The following ACYP2 variants were observed in gnomAD, a reference collection of about 807,000 sequenced individuals.
ACYP2 encodes the protein acylphosphatase 2.
A neutral mutation model predicts 11.2 loss-of-function variants in ACYP2; 12 were observed. The observed-to-expected ratio is 1.08, with a 90% CI of 0.69 to 1.74. The LOEUF (loss-of-function observed/expected upper bound fraction) is 1.74, where lower values mean the gene tolerates loss of function less well. Among genes scored for constraint, ACYP2 ranks in the 40% most tolerant of loss-of-function variants. The probability of loss-of-function intolerance (pLI) is 0.00; values close to 1 mark genes in which losing one functional copy is unlikely to be tolerated. For synonymous variants in ACYP2, 43 were observed against 32.2 expected (o/e 1.33, Z -1.13); for missense variants, 134 against 101.9 (o/e 1.31, Z -1.35).
intron 2 of ACYP2, among the ~76,000 whole-genome samples, chr2:53,983,364 G>T (rs2104512044): frequency 6.6e-6 from 1 of 152,148 alleles, no homozygotes; most frequent in South Asian, 2.1e-4. Flanking sequence ...AAATTAGCTG[G>T]GTGTGGTGGC....
At chr2:53,994,057 G>A (rs896482233) in intron 2 of ACYP2, among the ~76,000 whole-genome samples, 15 of 151,802 alleles carry the variant, frequency 9.9e-5, no homozygotes, top group South Asian at 2.1e-4. Context: ...GCGGCTGGGC[G>A]TAGTGGCTCA....
intron 2 of ACYP2, among the ~76,000 whole-genome samples, chr2:54,041,341 G>C (rs940387390): frequency 2.6e-5 from 4 of 152,122 alleles, no homozygotes; most frequent in Non-Finnish European, 5.9e-5. Flanking sequence ...GTGTTTGTGG[G>C]AGCTCTCTTC....
At chr2:54,258,685 A>T (rs1687656207) in intron 6 of ACYP2, among the ~76,000 whole-genome samples, 1 of 152,304 alleles carries the variant, frequency 6.6e-6, no homozygotes, top group South Asian at 2.1e-4. Flanking sequence ...GATGTTTCTC[A>T]GACCAGGTGG....
chr2:54,203,055 G>T (rs912688542), intron 6 of ACYP2, among the ~76,000 whole-genome samples: 2 of 152,010 alleles, frequency 1.3e-5, no homozygotes, highest in African/African-American at 4.8e-5. Context: ...GATCAACTTT[G>T]GGAGTATTGC....
chr2:54,273,989 T>C lies in ACYP2; in HGVS notation c.405-30699T>C, dbSNP rs1179228824. On this transcript the variant is annotated intron_variant, in intron 6 of 6. Transcript: ENST00000607452. ...CACCATTATATTGAGACTATAAAAT[T>C]GTTCTTTAGGCTGGGCAAGATGGCT... Among the ~76,000 whole-genome samples the C allele has an allele frequency of 2.6e-5, 4 of 152,212 alleles. 1 individual carries two copies. The highest frequency in any genetic ancestry group is 5.9e-5 in the Non-Finnish European group (4 of 68,030).
At chr2:54,036,965 C>T (rs2104559210) in intron 2 of ACYP2, among the ~76,000 whole-genome samples, 1 of 152,258 alleles carries the variant, frequency 6.6e-6, no homozygotes, top group East Asian at 1.9e-4. Context: ...CTAGATCACT[C>T]ATTTAAGAGG....
chr2:54,039,084 G>A (rs944685561), intron 2 of ACYP2, among the ~76,000 whole-genome samples: 10 of 151,942 alleles, frequency 6.6e-5, no homozygotes, highest in Admixed American at 3.9e-4. Context: ...GGTGGGGAGC[G>A]TGCTCCTATA....
rs567465743 is a variant in ACYP2, at chr2:54,050,562, A to G, written c.63-396A>G. On this transcript the variant is annotated intron_variant, in intron 2 of 6. Coordinates refer to ENST00000607452, the MANE Select transcript of ACYP2 (RefSeq NM_001320586.2). ...CCCCATCCCTGAAAAAAAAAAAAAA[A>G]AAAGAAAATAACTAAAGAAAACAAA... Among the ~76,000 whole-genome samples the G allele has an allele frequency of 3.4e-4, 52 of 151,910 alleles. 1 individual carries two copies. In the South Asian group the frequency reaches 8.1e-3, roughly 24 times the overall value.
At chr2:54,049,003 A>C (rs1292770512) in intron 2 of ACYP2, among the ~76,000 whole-genome samples, 5 of 152,156 alleles carry the variant, frequency 3.3e-5, no homozygotes, top group Non-Finnish European at 7.3e-5. Flanking sequence ...GGCCAGGTGC[A>C]GTGGCTCACA....
At chr2:54,125,193 C>A (rs373027309) in intron 4 of ACYP2, among the ~76,000 whole-genome samples, 2 of 151,854 alleles carry the variant, frequency 1.3e-5, no homozygotes, top group African/African-American at 4.8e-5. Flanking sequence ...CAGTTTCCAA[C>A]CCCAAATCCT....
intron 6 of ACYP2, among the ~76,000 whole-genome samples, chr2:54,262,246 G>T (rs1208284127): frequency 6.6e-6 from 1 of 152,138 alleles, no homozygotes; most frequent in African/African-American, 2.4e-5. Context: ...ATGCGATACA[G>T]GAGCAAAATG....
At chr2:53,983,578 A>G (rs1178407647) in intron 2 of ACYP2, among the ~76,000 whole-genome samples, 1 of 152,198 alleles carries the variant, frequency 6.6e-6, no homozygotes, top group Non-Finnish European at 1.5e-5. Flanking sequence ...AGAAATTTAA[A>G]AAACACCCAT....
chr2:54,016,216 T>G (rs540934990), intron 2 of ACYP2, among the ~76,000 whole-genome samples: 27 of 152,190 alleles, frequency 1.8e-4, no homozygotes, highest in Non-Finnish European at 3.1e-4. Flanking sequence ...CTGCCTGGCT[T>G]AGCTCACAGT....
chr2:54,204,978 A>G (rs1482838980), intron 6 of ACYP2, among the ~76,000 whole-genome samples: 1 of 152,134 alleles, frequency 6.6e-6, no homozygotes, highest in African/African-American at 2.4e-5. Flanking sequence ...TGTTTCTCAT[A>G]GGCACCTTCT....
intron 4 of ACYP2, among the ~76,000 whole-genome samples, chr2:54,130,514 C>T (rs542803951): frequency 2.0e-5 from 3 of 152,164 alleles, no homozygotes; most frequent in Non-Finnish European, 2.9e-5. Flanking sequence ...GAAAAGGAAA[C>T]CATGTTGGGT....
At chr2:54,163,092 G>GT (rs1165121253) in intron 6 of ACYP2, among the ~76,000 whole-genome samples, 1 of 152,198 alleles carries the variant, frequency 6.6e-6, no homozygotes, top group Non-Finnish European at 1.5e-5. Flanking sequence ...TTTTCATTCA[G>GT]TAAGTTTGAG....
At chr2:54,091,797 C>A (rs1678248010) in intron 4 of ACYP2, among the ~76,000 whole-genome samples, 1 of 152,108 alleles carries the variant, frequency 6.6e-6, no homozygotes, top group African/African-American at 2.4e-5. Context: ...CAAGCGTCAG[C>A]CACTAACCCC....
intron 2 of ACYP2, among the ~76,000 whole-genome samples, chr2:53,984,990 T>C (rs1197234926): frequency 2.6e-5 from 4 of 151,530 alleles, no homozygotes; most frequent in Non-Finnish European, 5.9e-5. Flanking sequence ...GTTAATTTTA[T>C]GAATAGATTG....
At chr2:54,194,183 G>A (rs1363172902) in intron 6 of ACYP2, among the ~76,000 whole-genome samples, 1 of 152,200 alleles carries the variant, frequency 6.6e-6, no homozygotes, top group Non-Finnish European at 1.5e-5. Context: ...GGTACCACAG[G>A]GGTGTGCCAC....
Sources: gnomAD v4.1 joint callset for allele counts (sites outside exome capture counted in the v4.1 genomes callset) on GRCh38, gnomAD v4.1.1 for gene constraint, MANE v1.5 for transcripts, NCBI Gene and HGNC (gene_info 2026-07-23, HGNC 2026-07-21) for gene names.